Variants in MYRIP observed in about 807,000 individuals in gnomAD.
MYRIP encodes rab effector MyRIP.
Under a neutral mutation model 98.0 loss-of-function variants are expected in MYRIP, and 49 were observed. That is an observed-to-expected ratio of 0.50 (90% CI 0.40 to 0.63). The LOEUF is 0.63. Among genes scored for constraint, MYRIP ranks in the 30% least tolerant of loss-of-function variants. The pLI is 0.00. For missense variants in MYRIP, 1,004 were observed against 1,058.2 expected, an observed-to-expected ratio of 0.95 and a Z score of 0.71; for synonymous variants, 404 against 409.5, an observed-to-expected ratio of 0.99 and a Z score of 0.16.
chr3:39,831,060 C>T (rs1344723275), intron 1 of MYRIP, among the ~76,000 whole-genome samples: 1 of 152,174 alleles, frequency 6.6e-6, no homozygotes, highest in Admixed American at 6.5e-5. Context: ...GTTAATCCTA[C>T]TTGATGCACT....
At chr3:39,837,393 T>C (rs951350565) in intron 1 of MYRIP, among the ~76,000 whole-genome samples, 3 of 152,220 alleles carry the variant, frequency 2.0e-5, no homozygotes, top group African/African-American at 7.2e-5. Context: ...AATTTTTGTA[T>C]AAGGTGTAAG....
intron 4 of MYRIP, among the ~76,000 whole-genome samples, chr3:40,151,655 C>T (rs1379018017): frequency 6.6e-6 from 1 of 152,134 alleles, no homozygotes; most frequent in Non-Finnish European, 1.5e-5. Flanking sequence ...CAGCTTCCTC[C>T]CAGGAAACTT....
intron 3 of MYRIP, among the ~76,000 whole-genome samples, chr3:40,125,575 A>G (rs914424392): frequency 6.6e-6 from 1 of 152,196 alleles, no homozygotes; most frequent in African/African-American, 2.4e-5. Flanking sequence ...AATACTTTGT[A>G]TCCTTCAATC....
chr3:40,085,366 A>C (rs1575526269), intron 3 of MYRIP, among the ~76,000 whole-genome samples: 2 of 152,270 alleles, frequency 1.3e-5, no homozygotes, highest in Middle Eastern at 3.4e-3. Context: ...GGCCCACTGC[A>C]ACCTCCATCT....
intron 8 of MYRIP, 36 bp downstream of exon 8, chr3:40,170,129 C>T (rs202138054): frequency 9.4e-5 from 151 of 1,610,078 alleles, no homozygotes; most frequent in East Asian, 2.5e-4. Context: ...ACCCTCCACA[C>T]GTGCAGGTCT....
chr3:39,892,302 A>G (rs1943508450), intron 1 of MYRIP, among the ~76,000 whole-genome samples: 1 of 152,098 alleles, frequency 6.6e-6, no homozygotes, highest in East Asian at 1.9e-4. Flanking sequence ...TACTGAAACA[A>G]TAGAGGTGGA....
intron 2 of MYRIP, among the ~76,000 whole-genome samples, chr3:39,919,727 T>TGTGTGTGAGAGAGAGA (rs1553645683): frequency 8.1e-6 from 1 of 123,384 alleles, no homozygotes; most frequent in Admixed American, 7.6e-5. Flanking sequence ...TGTGTGTGTG[T>TGTGTGTGAGAGAGAGA]GAGAGAGAGA....
intron 1 of MYRIP, among the ~76,000 whole-genome samples, chr3:39,864,694 G>A (rs1320216535): frequency 6.6e-5 from 10 of 152,086 alleles, no homozygotes; most frequent in Non-Finnish European, 1.2e-4. Context: ...TGGATAGGAA[G>A]AATCAAAACA....
chr3:40,138,657 C>T (rs903048147), intron 3 of MYRIP, among the ~76,000 whole-genome samples: 2 of 151,974 alleles, frequency 1.3e-5, no homozygotes, highest in Non-Finnish European at 2.9e-5. Context: ...TGCCTTTTTT[C>T]TGACATTAAG....
chr3:40,102,706 C>A (rs1948969289), intron 3 of MYRIP, among the ~76,000 whole-genome samples: 1 of 151,926 alleles, frequency 6.6e-6, no homozygotes, highest in South Asian at 2.1e-4. Context: ...GGGAGTGTCA[C>A]CTCTGGCATC....
At chr3:39,853,053 A>T (rs946386029) in intron 1 of MYRIP, among the ~76,000 whole-genome samples, 8 of 152,204 alleles carry the variant, frequency 5.3e-5, no homozygotes, top group African/African-American at 7.2e-5. Context: ...GAGTGCTGGG[A>T]TTACAGGCGT....
chr3:40,190,429 C>G lies in MYRIP; in HGVS notation c.1631C>G (p.Pro544Arg). 2 of 1,605,030 alleles carry G rather than the reference C, an allele frequency of 1.2e-6. No homozygotes were observed. The highest frequency in any genetic ancestry group is 1.7e-6 in the Non-Finnish European group (2 of 1,175,586). ...GAGCCAAGCAAAGAACCATCTTCCC[C>G]CAGCGCCCAGCTCCGGGATCTAGAC... is the stretch of plus-strand genomic sequence containing the variant. ...SEEPSKEPSS[P>R]SAQLRDLDTH... Residue 544 changes from proline to arginine, a missense_variant, in exon 10 of 17, where the codon CCC (proline) becomes CGC (arginine). Pro to Arg is a moderately radical substitution (Grantham distance 103). Transcript: ENST00000302541.
At chr3:40,031,267 G>A (rs950563391) in intron 2 of MYRIP, among the ~76,000 whole-genome samples, 7 of 152,022 alleles carry the variant, frequency 4.6e-5, no homozygotes, top group Admixed American at 2.0e-4. Flanking sequence ...TCCCATTCAC[G>A]AGGATTTTAC....
At chr3:39,845,902 A>G (rs1433735037) in intron 1 of MYRIP, among the ~76,000 whole-genome samples, 3 of 152,010 alleles carry the variant, frequency 2.0e-5, no homozygotes, top group Non-Finnish European at 4.4e-5. Flanking sequence ...CCTGAAACTG[A>G]ATGAACAGGT....
chr3:39,996,145 T>A (rs1205077515), intron 2 of MYRIP, among the ~76,000 whole-genome samples: 2 of 152,176 alleles, frequency 1.3e-5, no homozygotes, highest in Non-Finnish European at 2.9e-5. Flanking sequence ...AATAACCAGC[T>A]AACATCATAA....
chr3:39,852,329 G>A (rs532146216), intron 1 of MYRIP, among the ~76,000 whole-genome samples: 7 of 152,292 alleles, frequency 4.6e-5, no homozygotes, highest in Admixed American at 2.0e-4. Flanking sequence ...ACCCAGGCAG[G>A]GAGTACAACC....
At chr3:40,207,945 C>G (rs1951828916) in intron 10 of MYRIP, among the ~76,000 whole-genome samples, 1 of 152,062 alleles carries the variant, frequency 6.6e-6, no homozygotes, top group East Asian at 1.9e-4. Context: ...AAATGTTGTT[C>G]TCTGTCAGTT....
chr3:40,010,462 G>A (rs1266164729), intron 2 of MYRIP, among the ~76,000 whole-genome samples: 1 of 152,116 alleles, frequency 6.6e-6, no homozygotes, highest in Non-Finnish European at 1.5e-5. Flanking sequence ...AAACCCTACA[G>A]GCCTGTGAAA....
At chr3:40,140,568 C>T (rs1223186053) in intron 3 of MYRIP, among the ~76,000 whole-genome samples, 1 of 152,206 alleles carries the variant, frequency 6.6e-6, no homozygotes, top group Non-Finnish European at 1.5e-5. Context: ...CTACTAATTA[C>T]ATTCCCACCA....
Sources: gnomAD v4.1 joint callset for allele counts (sites outside exome capture counted in the v4.1 genomes callset) on GRCh38, gnomAD v4.1.1 for gene constraint, MANE v1.5 for transcripts, NCBI Gene and HGNC (gene_info 2026-07-23, HGNC 2026-07-21) for gene names.